Variants in NXPE2 observed in about 807,000 individuals in gnomAD.
NXPE2 encodes the protein neurexophilin and PC-esterase domain family member 2, also known as NXPE family member 2.
NXPE2 carries 34 observed loss-of-function variants against 34.4 expected under a neutral mutation model. The observed-to-expected ratio is 0.99, with a 90% CI of 0.75 to 1.31. The LOEUF is 1.31. NXPE2 is among the 40% of genes most tolerant of loss of function. The pLI, the probability that NXPE2 is intolerant of heterozygous loss-of-function variation, is 0.00. For missense variants in NXPE2, 649 were observed against 672.5 expected (o/e 0.97, Z 0.39); for synonymous variants, 235 against 231.3 (o/e 1.02, Z -0.15).
the NXPE2 span, among the ~76,000 whole-genome samples, chr11:114,487,036 T>C: frequency 1.3e-5 from 2 of 152,132 alleles, no homozygotes; most frequent in African/African-American, 2.4e-5. Context: ...CTGTGAAGAA[T>C]ATTATTGGTA....
chr11:114,811,374 A>T, the NXPE2 span, among the ~76,000 whole-genome samples: 1 of 152,066 alleles, frequency 6.6e-6, no homozygotes, highest in African/African-American at 2.4e-5. Context: ...AGAGAAAGAA[A>T]TGGCTTTAAA....
At chr11:114,712,279 C>T in the NXPE2 span, among the ~76,000 whole-genome samples, 1 of 151,976 alleles carries the variant, frequency 6.6e-6, no homozygotes, top group Non-Finnish European at 1.5e-5. Flanking sequence ...AATAAAAAAA[C>T]AAACAAACAA....
At chr11:114,503,384 A>G in the NXPE2 span, among the ~76,000 whole-genome samples, 2 of 152,232 alleles carry the variant, frequency 1.3e-5, no homozygotes, top group Non-Finnish European at 2.9e-5. Context: ...AGACAATTTC[A>G]AGAATAAAAT....
At chr11:114,510,702 G>A in the NXPE2 span, among the ~76,000 whole-genome samples, 2 of 152,150 alleles carry the variant, frequency 1.3e-5, no homozygotes, top group Non-Finnish European at 2.9e-5. Context: ...ATTTCTGCAG[G>A]CATGAAGAGA....
chr11:114,566,578 G>C, the NXPE2 span, among the ~76,000 whole-genome samples: 1 of 152,264 alleles, frequency 6.6e-6, no homozygotes, highest in South Asian at 2.1e-4. Flanking sequence ...ACTGGAATGT[G>C]TTGTAACAGA....
the NXPE2 span, among the ~76,000 whole-genome samples, chr11:114,723,766 C>T: frequency 9.9e-5 from 15 of 152,142 alleles, no homozygotes; most frequent in African/African-American, 3.4e-4. Context: ...AGTGCAAGCA[C>T]TGATTCTGAA....
chr11:114,749,894 A>T, the NXPE2 span, among the ~76,000 whole-genome samples: 1 of 151,652 alleles, frequency 6.6e-6, no homozygotes, highest in African/African-American at 2.4e-5. Flanking sequence ...CACCCACCCC[A>T]TCTGTGTCTT....
the NXPE2 span, among the ~76,000 whole-genome samples, chr11:114,759,477 C>T: frequency 4.6e-5 from 7 of 152,282 alleles, no homozygotes; most frequent in East Asian, 1.9e-4. Context: ...TTATTACATC[C>T]TTTTAACTAA....
At chr11:114,519,950 G>C in the NXPE2 span, among the ~76,000 whole-genome samples, 233 of 97,628 alleles carry the variant, frequency 2.4e-3, 8 homozygotes, top group Non-Finnish European at 3.6e-3. Flanking sequence ...GGAGTGCAGT[G>C]GTGCCATCTC....
chr11:114,659,267 G>A, the NXPE2 span, among the ~76,000 whole-genome samples: 5 of 152,132 alleles, frequency 3.3e-5, no homozygotes, highest in African/African-American at 1.2e-4. Context: ...CCATAGTAAA[G>A]AGCAAGGCAA....
At chr11:114,673,737 T>C (rs1439855538), upstream of NXPE2, among the ~76,000 whole-genome samples, 1 of 151,848 alleles carries the variant, frequency 6.6e-6, no homozygotes, top group East Asian at 1.9e-4. Context: ...CTGCTTTCCT[T>C]TTGTTCCCAA....
At chr11:114,484,750 G>A in the NXPE2 span, among the ~76,000 whole-genome samples, 1 of 152,168 alleles carries the variant, frequency 6.6e-6, no homozygotes, top group Non-Finnish European at 1.5e-5. Context: ...GGTGGGACTT[G>A]CAGGATAACA....
Position 114,706,915 on chromosome 11 carries a change from A to G in NXPE2, c.1665A>G (p.Leu555=), listed in dbSNP as rs1951489045. ...TTCAAAATCAGATTGGCATGTTCTTAAACTACATTTGTTAGAGGAAAAATA... is the reference window on the plus strand; with the variant it reads ...TTCAAAATCAGATTGGCATGTTCTTGAACTACATTTGTTAGAGGAAAAATA... The part of the protein sequence containing the change: ...YVIQNQIGMF[L]NYIC The change falls in exon 6 of 6, where the codon TTA becomes TTG. Residue 555 remains leucine, a synonymous_variant. Transcript: ENST00000389586. 10 of 1,546,864 alleles carry G rather than the reference A, an allele frequency of 6.5e-6. No individual in the cohort carries two copies. The highest frequency in any genetic ancestry group is 8.7e-6 in the Non-Finnish European group (10 of 1,143,320).
chr11:114,633,967 G>T, the NXPE2 span, among the ~76,000 whole-genome samples: 1 of 151,956 alleles, frequency 6.6e-6, no homozygotes, highest in East Asian at 1.9e-4. Context: ...TAGCCCTTTG[G>T]GTATATACCC....
chr11:114,801,814 A>G, the NXPE2 span, among the ~76,000 whole-genome samples: 2 of 152,138 alleles, frequency 1.3e-5, no homozygotes, highest in East Asian at 1.9e-4. Flanking sequence ...TGGTGGTACT[A>G]TTTACTGAGA....
intron 2 of NXPE2, among the ~76,000 whole-genome samples, chr11:114,685,204 C>G (rs976113992): frequency 6.6e-6 from 1 of 152,024 alleles, no homozygotes; most frequent in Non-Finnish European, 1.5e-5. Flanking sequence ...GTATAAAACC[C>G]TGGTTTTAGT....
At chr11:114,755,523 T>G in the NXPE2 span, among the ~76,000 whole-genome samples, 1 of 152,206 alleles carries the variant, frequency 6.6e-6, no homozygotes, top group Admixed American at 6.5e-5. Flanking sequence ...ACCAACACAT[T>G]AGTATCTTAA....
At chr11:114,602,494 A>G in the NXPE2 span, among the ~76,000 whole-genome samples, 38 of 137,046 alleles carry the variant, frequency 2.8e-4, no homozygotes, top group Non-Finnish European at 5.2e-4. Flanking sequence ...AACATATATT[A>G]TCCCATATGT....
the NXPE2 span, among the ~76,000 whole-genome samples, chr11:114,531,893 C>G: frequency 6.6e-6 from 1 of 152,176 alleles, no homozygotes; most frequent in South Asian, 2.1e-4. Context: ...TCCAATCTTG[C>G]TGGTAGTCAG....
Sources: gnomAD v4.1 joint callset for allele counts (sites outside exome capture counted in the v4.1 genomes callset) on GRCh38, gnomAD v4.1.1 for gene constraint, MANE v1.5 for transcripts, NCBI Gene and HGNC (gene_info 2026-07-23, HGNC 2026-07-21) for gene names.